Variants in VAX2 observed in about 807,000 individuals in gnomAD.
The protein encoded by VAX2 is ventral anterior homeobox 2.
VAX2 carries 8 observed loss-of-function variants against 12.5 expected under a neutral mutation model. The observed-to-expected ratio is 0.64, with a 90% CI of 0.37 to 1.15. The LOEUF (loss-of-function observed/expected upper bound fraction) is 1.15, where lower values mean the gene tolerates loss of function less well. Among genes scored for constraint, VAX2 ranks in the 50% most tolerant of loss-of-function variants. VAX2 has a pLI of 0.01. For missense variants in VAX2, 476 were observed against 412.9 expected (o/e 1.15, Z -1.32); for synonymous variants, 183 against 187.6 (o/e 0.98, Z 0.20).
intron 2 of VAX2, among the ~76,000 whole-genome samples, chr2:70,923,257 A>G (rs1372421482): frequency 1.3e-5 from 2 of 152,144 alleles, no homozygotes; most frequent in Non-Finnish European, 2.9e-5. Context: ...TAGTAAAAGT[A>G]ATGGACAGCT....
intron 1 of VAX2, among the ~76,000 whole-genome samples, chr2:70,915,257 GT>G (rs34783362): frequency 6.7e-6 from 1 of 150,360 alleles, no homozygotes; most frequent in African/African-American, 2.4e-5. Context: ...TTTGTTTTTT[GT>G]TTTTTTTGAG....
At chr2:70,908,591 T>G (rs549625844) in intron 1 of VAX2, among the ~76,000 whole-genome samples, 19 of 152,368 alleles carry the variant, frequency 1.2e-4, no homozygotes, top group Non-Finnish European at 2.4e-4. Context: ...TTTTCTTATC[T>G]GTTGCTATTA....
In VAX2 at chr2:70,904,092, G is replaced by T. The variant is rs533580035; in HGVS notation, c.247+3224G>T. On this transcript the variant is annotated intron_variant, in intron 1 of 2. Coordinates refer to ENST00000234392, the MANE Select transcript of VAX2 (RefSeq NM_012476.3). The surrounding 1 kb of genome is among the most constrained non-coding windows in gnomAD (Gnocchi z 4.2). Reference sequence around the variant, plus strand: ...AGGCCGGGCGCATAACAGGCACCCCGCACATCGCACCGCGGACGCAGCGAT... The same window carrying T: ...AGGCCGGGCGCATAACAGGCACCCCTCACATCGCACCGCGGACGCAGCGAT... Among the ~76,000 whole-genome samples, 1 of 152,274 alleles carries T rather than the reference G, an allele frequency of 6.6e-6. No individual in the cohort carries two copies. Among genetic ancestry groups the T allele is most frequent in the East Asian group, 1.9e-4 (1 of 5,178 alleles).
chr2:70,920,689 C>T (rs1380954188), intron 1 of VAX2, among the ~76,000 whole-genome samples: 1 of 151,994 alleles, frequency 6.6e-6, no homozygotes, highest in Admixed American at 6.6e-5. Flanking sequence ...GGACCTGGCT[C>T]TGACCTCTCC....
At chr2:70,905,180 C>T (rs72913603) in intron 1 of VAX2, among the ~76,000 whole-genome samples, 3,414 of 152,180 alleles carry the variant, frequency 0.022, 139 homozygotes, top group African/African-American at 0.078. Flanking sequence ...ACTTTAGTCT[C>T]AATATCTGAG....
intron 1 of VAX2, among the ~76,000 whole-genome samples, chr2:70,910,295 T>C (rs1251405354): frequency 6.6e-6 from 1 of 152,142 alleles, no homozygotes; most frequent in Non-Finnish European, 1.5e-5. Context: ...ATATTTGAAA[T>C]TTGTCATAAT....
chr2:70,924,330 C>T (rs1303156798), intron 2 of VAX2: 2 of 149,740 alleles, frequency 1.3e-5, no homozygotes, highest in African/African-American at 2.5e-5. Context: ...ACCTCATTAG[C>T]ATACAACAGT....
chr2:70,927,801 G>A (rs1240045160), intron 2 of VAX2, among the ~76,000 whole-genome samples: 1 of 152,024 alleles, frequency 6.6e-6, no homozygotes, highest in African/African-American at 2.4e-5. Flanking sequence ...GGCCCAGCAA[G>A]AGATCGCGGA....
intron 1 of VAX2, among the ~76,000 whole-genome samples, chr2:70,905,901 G>T (rs1474962206): frequency 6.6e-6 from 1 of 152,232 alleles, no homozygotes; most frequent in African/African-American, 2.4e-5. Flanking sequence ...TATGCATCAC[G>T]TTGGCCTGGG....
At chr2:70,912,752 G>T (rs782062331) in intron 1 of VAX2, among the ~76,000 whole-genome samples, 4 of 152,146 alleles carry the variant, frequency 2.6e-5, no homozygotes, top group Admixed American at 2.6e-4. Flanking sequence ...TTGGAGGTGG[G>T]GGGGATGTCT....
In VAX2 at chr2:70,923,776, C is replaced by T. The variant is rs147462283; in HGVS notation, c.435+2491C>T. Among the ~76,000 whole-genome samples, 219 of 144,068 alleles carry T rather than the reference C, an allele frequency of 1.5e-3. 1 individual carries two copies. Among genetic ancestry groups the T allele is most frequent in the African/African-American group, 5.2e-3 (206 of 39,268 alleles). 94.5% of individuals were successfully genotyped at this position (144,068 alleles called of 152,430 possible). On this transcript the variant is annotated intron_variant, in intron 2 of 2. Coordinates refer to ENST00000234392, the MANE Select transcript of VAX2 (RefSeq NM_012476.3). Reference sequence around the variant, plus strand: ...GAGCTCCCATGCCGTTTCCAGTGCCCCCATTCCCAGCACTTCCACGTGTTC... The same window carrying T: ...GAGCTCCCATGCCGTTTCCAGTGCCTCCATTCCCAGCACTTCCACGTGTTC...
chr2:70,902,872 A>G (rs1678964384), intron 1 of VAX2, among the ~76,000 whole-genome samples: 1 of 152,250 alleles, frequency 6.6e-6, no homozygotes, highest in African/African-American at 2.4e-5. Context: ...ATGTATGTGC[A>G]CACACAGAGG....
At chr2:70,929,639 A>G (rs1205543306) in intron 2 of VAX2, among the ~76,000 whole-genome samples, 1 of 150,578 alleles carries the variant, frequency 6.6e-6, no homozygotes, top group Non-Finnish European at 1.5e-5. Flanking sequence ...GTGAGCCGAG[A>G]TCATGCCACT....
chr2:70,910,356 A>C (rs1679154813), intron 1 of VAX2, among the ~76,000 whole-genome samples: 1 of 152,156 alleles, frequency 6.6e-6, no homozygotes. Flanking sequence ...GTATGAATAT[A>C]ATTACAGGAT....
At chr2:70,927,092 G>A (rs782689006) in intron 2 of VAX2, among the ~76,000 whole-genome samples, 2 of 152,200 alleles carry the variant, frequency 1.3e-5, no homozygotes, top group Non-Finnish European at 2.9e-5. Context: ...GTGTCTGACA[G>A]CCAAGAGGGT....
chr2:70,929,537 A>C (rs1679646368), intron 2 of VAX2, among the ~76,000 whole-genome samples: 1 of 152,176 alleles, frequency 6.6e-6, no homozygotes, highest in South Asian at 2.1e-4. Context: ...AAATACAAAA[A>C]TTAGTTGGGT....
Position 70,933,385 on chromosome 2 carries a change from G to T in VAX2, c.*181G>T. On this transcript the variant is annotated 3_prime_UTR_variant, in exon 3 of 3. Transcript: ENST00000234392. Reference sequence around the variant, plus strand: ...TTGGTCCCGCAGCTTGTGTGCGTGAGTGCAGTGTGAGTGTGTGTGTCTCTC... The same window carrying T: ...TTGGTCCCGCAGCTTGTGTGCGTGATTGCAGTGTGAGTGTGTGTGTCTCTC... The T allele has an allele frequency of 2.0e-6, 1 of 492,438 alleles. No homozygotes were observed. 30.5% of individuals were successfully genotyped at this position (492,438 alleles called of 1,614,324 possible). A position where few individuals can be genotyped will look rare whatever the true frequency, so the allele number is the denominator to read the frequency against.
chr2:70,908,703 T>C (rs1679119153), intron 1 of VAX2, among the ~76,000 whole-genome samples: 1 of 152,260 alleles, frequency 6.6e-6, no homozygotes, highest in African/African-American at 2.4e-5. Context: ...GGTCAAATGG[T>C]ATCTGTGTTT....
At position 70,932,940 on chromosome 2, in the gene VAX2, G is replaced by C. The variant is rs372003294; in HGVS notation, c.609G>C (p.Leu203=). The change falls in exon 3 of 3, where the codon CTG becomes CTC. Residue 203 remains leucine (L), a synonymous_variant. Transcript: ENST00000234392. ...SVPRAPSLLA[L]TPSLPGLPAS... ...CCAGGGCCCCTAGCCTCCTGGCGCTGACCCCTAGCCTGCCAGGCCTACCTG... is the reference window on the plus strand; with the variant it reads ...CCAGGGCCCCTAGCCTCCTGGCGCTCACCCCTAGCCTGCCAGGCCTACCTG... The C allele has an allele frequency of 6.2e-7, 1 of 1,612,786 alleles. No homozygotes were observed. The highest frequency in any genetic ancestry group is 1.3e-5 in the African/African-American group (1 of 74,910).
Sources: allele counts gnomAD v4.1 joint callset (sites outside exome capture counted in the v4.1 genomes callset), GRCh38; gene constraint gnomAD v4.1.1; non-coding constraint Gnocchi (gnomAD v3.1); transcripts MANE v1.5; gene names NCBI Gene and HGNC (gene_info 2026-07-23, HGNC 2026-07-21).